The following LNPEP variants were observed in gnomAD, a reference collection of about 807,000 sequenced individuals.
The protein encoded by LNPEP is leucyl and cystinyl aminopeptidase.
A neutral mutation model predicts 120.6 loss-of-function variants in LNPEP; 64 were observed. The observed-to-expected ratio is 0.53, with a 90% CI of 0.43 to 0.65. The LOEUF is 0.65. Among genes scored for constraint, LNPEP ranks in the 30% least tolerant of loss-of-function variants. LNPEP has a pLI of 0.00. For missense variants in LNPEP, 1,057 were observed against 1,200.0 expected, an observed-to-expected ratio of 0.88 and a Z score of 1.76; for synonymous variants, 435 against 425.4, an observed-to-expected ratio of 1.02 and a Z score of -0.28.
rs767433500 is a variant in LNPEP, at chr5:97,033,410, C to T, written c.*4877C>T. The T allele has an allele frequency of 1.3e-5, 2 of 152,114 alleles. No individual in the cohort carries two copies. The highest frequency in any genetic ancestry group is 2.4e-5 in the African/African-American group (1 of 41,428). 9.4% of individuals were successfully genotyped at this position (152,114 alleles called of 1,614,324 possible). A position where few individuals can be genotyped will look rare whatever the true frequency, so the allele number is the denominator to read the frequency against. On this transcript the variant is annotated 3_prime_UTR_variant, in exon 18 of 18. Transcript: ENST00000231368. Reference sequence around the variant, plus strand: ...AGGTACCTAATGAACCATGGAGTTCCGGATGTATAACAGTCTCCTCTTTTC... The same window carrying T: ...AGGTACCTAATGAACCATGGAGTTCTGGATGTATAACAGTCTCCTCTTTTC...
At chr5:96,973,235 C>T (rs941594800) in intron 1 of LNPEP, among the ~76,000 whole-genome samples, 7 of 151,892 alleles carry the variant, frequency 4.6e-5, no homozygotes, top group African/African-American at 7.3e-5. Context: ...ATGGGTTTAG[C>T]GGGGGTTGGG....
At chr5:97,027,110 T>A (rs1791359499) in intron 16 of LNPEP, among the ~76,000 whole-genome samples, 2 of 152,164 alleles carry the variant, frequency 1.3e-5, no homozygotes, top group Admixed American at 1.3e-4. Context: ...TCCCAGCACT[T>A]TGGGAGGCCG....
chr5:97,011,340 C>A, intron 11 of LNPEP: 2 of 250,272 alleles, frequency 8.0e-6, no homozygotes, highest in Non-Finnish European at 1.3e-5. Context: ...TCAAGTGATA[C>A]TCCTACCTCA....
At chr5:96,985,644 A>G (rs1042564755) in intron 3 of LNPEP, among the ~76,000 whole-genome samples, 1 of 152,294 alleles carries the variant, frequency 6.6e-6, no homozygotes, top group South Asian at 2.1e-4. Flanking sequence ...GGAGATTGAC[A>G]ACTAGAACAG....
intron 6 of LNPEP, among the ~76,000 whole-genome samples, chr5:96,995,499 C>G (rs1377668039): frequency 1.3e-5 from 2 of 151,166 alleles, no homozygotes; most frequent in Non-Finnish European, 3.0e-5. Flanking sequence ...AAAGCTCTTT[C>G]TGACTTCATT....
chr5:97,033,379 A>G lies in LNPEP; in HGVS notation c.*4846A>G, dbSNP rs544239051. 6.6e-5 allele frequency: 10 copies of G among 152,330 alleles called. No homozygotes were observed. The East Asian group carries it at 1.5e-3, about 23-fold the overall frequency. The allele number at this position is 152,330 out of a possible 1,614,324, so 9.4% of individuals were successfully genotyped here. ...TTGTATTAATTCATCGGGTGCCCAG[A>G]CTGAAAGGTACCTAATGAACCATGG... On this transcript the variant is annotated 3_prime_UTR_variant, in exon 18 of 18. Transcript: ENST00000231368.
rs1188048223 is a variant in LNPEP, at chr5:97,006,240, G to A, written c.1946+7G>A. The A allele has an allele frequency of 6.3e-7, 1 of 1,591,772 alleles. No individual in the cohort carries two copies. The highest frequency in any genetic ancestry group is 2.2e-5 in the East Asian group (1 of 44,510). On this transcript the variant is annotated splice_region_variant and intron_variant, in intron 10 of 17. Coordinates refer to ENST00000231368, the MANE Select transcript of LNPEP (RefSeq NM_005575.3). ...TTCAGCCTTCAGATACAAGGTACAT[G>A]CCCTCTTTCTTTTCATGCCATCTCT...
In LNPEP at chr5:97,030,101, A is replaced by G. The variant is rs1377796165; in HGVS notation, c.*1568A>G. 2 of 151,988 alleles carry G rather than the reference A, an allele frequency of 1.3e-5. No individual in the cohort carries two copies. The highest frequency in any genetic ancestry group is 1.3e-4 in the Admixed American group (2 of 15,278). The allele number at this position is 151,988 out of a possible 1,614,324, so 9.4% of individuals were successfully genotyped here. ...CAAGTTAGAATGTATGGAATTGTGAATAAAATTATATTTTATTTTATGAAA... is the reference window on the plus strand; with the variant it reads ...CAAGTTAGAATGTATGGAATTGTGAGTAAAATTATATTTTATTTTATGAAA... On this transcript the variant is annotated 3_prime_UTR_variant, in exon 18 of 18. Coordinates refer to ENST00000231368, the MANE Select transcript of LNPEP (RefSeq NM_005575.3).
At chr5:97,016,724 T>G (rs769494226) in intron 13 of LNPEP, among the ~76,000 whole-genome samples, 5 of 152,148 alleles carry the variant, frequency 3.3e-5, no homozygotes, top group African/African-American at 4.8e-5. Context: ...ATTGTCAACT[T>G]AAGAGATTTT....
intron 4 of LNPEP, among the ~76,000 whole-genome samples, chr5:96,988,120 TC>T (rs1790285037): frequency 1.3e-5 from 2 of 151,848 alleles, no homozygotes; most frequent in South Asian, 4.2e-4. Flanking sequence ...CTTGGCATTT[TC>T]CCCCCTTCTT....
At chr5:97,027,681 G>A (rs1414957309) in intron 16 of LNPEP, 52 bp from the exon 17 acceptor site, 13 of 1,148,046 alleles carry the variant, frequency 1.1e-5, no homozygotes, top group African/African-American at 1.1e-4. Context: ...CAGGAACAAC[G>A]CTTTACCAGC....
chr5:96,938,736 G>C (rs1788981481), intron 1 of LNPEP, among the ~76,000 whole-genome samples: 1 of 152,156 alleles, frequency 6.6e-6, no homozygotes, highest in African/African-American at 2.4e-5. Context: ...TCCCTGGAAA[G>C]GGCTTATAAG....
chr5:96,977,052 C>A (rs1163257996), intron 1 of LNPEP, among the ~76,000 whole-genome samples: 1 of 151,472 alleles, frequency 6.6e-6, no homozygotes, highest in Non-Finnish European at 1.5e-5. Context: ...TAAACTCATA[C>A]CTAGAAAATG....
At chr5:96,983,281 G>C (rs979925587) in intron 2 of LNPEP, among the ~76,000 whole-genome samples, 2 of 150,556 alleles carry the variant, frequency 1.3e-5, no homozygotes, top group Non-Finnish European at 3.0e-5. Context: ...GTGCTATATT[G>C]ATTGGTACCT....
chr5:97,013,042 C>T (rs1240321420), intron 11 of LNPEP, among the ~76,000 whole-genome samples: 1 of 152,116 alleles, frequency 6.6e-6, no homozygotes, highest in Non-Finnish European at 1.5e-5. Context: ...TCTTCCCCTG[C>T]TGCCTCATCC....
intron 1 of LNPEP, among the ~76,000 whole-genome samples, chr5:96,977,984 G>T (rs941536080): frequency 6.6e-6 from 1 of 152,006 alleles, no homozygotes; most frequent in African/African-American, 2.4e-5. Context: ...TTATGAAGAC[G>T]AATTAATCTA....
At chr5:96,973,857 T>C (rs1789930308) in intron 1 of LNPEP, among the ~76,000 whole-genome samples, 1 of 152,156 alleles carries the variant, frequency 6.6e-6, no homozygotes, top group African/African-American at 2.4e-5. Flanking sequence ...TTAATGTTGT[T>C]TGTCATGGCT....
intron 1 of LNPEP, among the ~76,000 whole-genome samples, chr5:96,970,471 G>GT (rs1211159526): frequency 2.0e-5 from 3 of 151,914 alleles, no homozygotes; most frequent in South Asian, 4.1e-4. Flanking sequence ...GTTTCTTGCT[G>GT]TTTTGTCCCC....
chr5:96,950,870 G>T (rs949185267), intron 1 of LNPEP, among the ~76,000 whole-genome samples: 2 of 152,130 alleles, frequency 1.3e-5, no homozygotes, highest in African/African-American at 4.8e-5. Flanking sequence ...TATATTTATA[G>T]AGTAATTATA....
Sources: allele counts gnomAD v4.1 joint callset (sites outside exome capture counted in the v4.1 genomes callset), GRCh38; gene constraint gnomAD v4.1.1; transcripts MANE v1.5; gene names NCBI Gene and HGNC (gene_info 2026-07-23, HGNC 2026-07-21).